The following BRINP2 variants were observed in gnomAD, a reference collection of about 807,000 sequenced individuals.
BRINP2 encodes the protein BMP/retinoic acid inducible neural specific 2, also known as BMP/retinoic acid-inducible neural-specific protein 2.
Under a neutral mutation model 69.2 loss-of-function variants are expected in BRINP2, and 21 were observed. The observed-to-expected ratio is 0.30, with a 90% CI of 0.22 to 0.44. The LOEUF (loss-of-function observed/expected upper bound fraction) is 0.44, where lower values mean the gene tolerates loss of function less well. BRINP2 is among the 20% of genes least tolerant of loss of function. The pLI, the probability that BRINP2 is intolerant of heterozygous loss-of-function variation, is 1.00. For missense variants in BRINP2, 877 were observed against 986.0 expected (o/e 0.89, Z 1.48); for synonymous variants, 380 against 394.1 (o/e 0.96, Z 0.42).
intron 1 of BRINP2, among the ~76,000 whole-genome samples, chr1:177,186,913 C>T (rs760726456): frequency 2.2e-4 from 34 of 152,092 alleles, no homozygotes; most frequent in Non-Finnish European, 3.8e-4. Context: ...ACAATATGCG[C>T]CTTTTAATGG....
At chr1:177,268,123 A>C (rs1434794861) in intron 4 of BRINP2, among the ~76,000 whole-genome samples, 1 of 152,168 alleles carries the variant, frequency 6.6e-6, no homozygotes, top group Non-Finnish European at 1.5e-5. Flanking sequence ...CTAAGGAGCA[A>C]AGTTGTGTGT....
At chr1:177,272,614 C>G (rs1198060761) in intron 4 of BRINP2, among the ~76,000 whole-genome samples, 2 of 152,202 alleles carry the variant, frequency 1.3e-5, no homozygotes, top group African/African-American at 4.8e-5. Flanking sequence ...AAGAGGACGT[C>G]AGAGGTATCA....
At chr1:177,216,674 C>G (rs938283336) in intron 1 of BRINP2, among the ~76,000 whole-genome samples, 6 of 151,902 alleles carry the variant, frequency 3.9e-5, no homozygotes, top group Non-Finnish European at 8.8e-5. Flanking sequence ...TGCAAGCAGG[C>G]CTAGTGATGA....
At chr1:177,227,673 A>G (rs1649738414) in intron 1 of BRINP2, among the ~76,000 whole-genome samples, 2 of 149,406 alleles carry the variant, frequency 1.3e-5, no homozygotes, top group Non-Finnish European at 3.0e-5. Context: ...CCTTCTTTCT[A>G]TGATTTTATT....
At chr1:177,256,530 TCCAAA>T (rs1650764200) in intron 3 of BRINP2, 2 of 985,406 alleles carry the variant, frequency 2.0e-6, no homozygotes, top group Non-Finnish European at 2.4e-6. Flanking sequence ...TTGGAAACTG[TCCAAA>T]CCAACTCCAG....
chr1:177,239,269 G>A (rs986337282), intron 2 of BRINP2, among the ~76,000 whole-genome samples: 1 of 152,188 alleles, frequency 6.6e-6, no homozygotes, highest in African/African-American at 2.4e-5. Context: ...TTAGGCTCCG[G>A]GGAACCCTGA....
chr1:177,237,812 T>C (rs758429104), intron 2 of BRINP2, among the ~76,000 whole-genome samples: 1 of 152,088 alleles, frequency 6.6e-6, no homozygotes, highest in Non-Finnish European at 1.5e-5. Flanking sequence ...TGAGGTAGAC[T>C]TCATCCGGAA....
chr1:177,222,497 A>T (rs1649566924), intron 1 of BRINP2, among the ~76,000 whole-genome samples: 1 of 152,052 alleles, frequency 6.6e-6, no homozygotes, highest in East Asian at 1.9e-4. Flanking sequence ...TTTTTAGAAG[A>T]GACAGGGTTT....
At chr1:177,211,195 A>T (rs1649211782) in intron 1 of BRINP2, among the ~76,000 whole-genome samples, 1 of 152,120 alleles carries the variant, frequency 6.6e-6, no homozygotes, top group Non-Finnish European at 1.5e-5. Context: ...ATTGGTAAAT[A>T]GCATAGATGT....
chr1:177,263,857 A>G (rs1329466212), intron 4 of BRINP2, among the ~76,000 whole-genome samples: 1 of 152,174 alleles, frequency 6.6e-6, no homozygotes, highest in African/African-American at 2.4e-5. Context: ...TTTATCTTTC[A>G]TCATGTATAC....
intron 3 of BRINP2, chr1:177,256,741 G>C: frequency 9.2e-7 from 1 of 1,081,402 alleles, no homozygotes. Context: ...CCCAGGGCTC[G>C]GGCCAGCTGT....
chr1:177,276,484 A>C (rs751527091), intron 6 of BRINP2, 50 bp downstream of exon 6: 1 of 1,549,182 alleles, frequency 6.5e-7, no homozygotes, highest in Non-Finnish European at 8.9e-7. Context: ...TGTGAGGTAC[A>C]GAGCAAGAAC....
intron 2 of BRINP2, among the ~76,000 whole-genome samples, chr1:177,236,213 G>A (rs1571921076): frequency 6.6e-6 from 1 of 152,150 alleles, no homozygotes; most frequent in South Asian, 2.1e-4. Flanking sequence ...AATAGCAGAC[G>A]CAGCACAAGG....
chr1:177,255,944 A>G lies in BRINP2; in HGVS notation c.295A>G (p.Asn99Asp). ...GGAGTTTGCCCGTTGGAAGGTGAAC[A>G]ACTTGGCTCTGGAAAGGAAGGACTT... ...YREFARWKVN[N>D]LALERKDFFS... Residue 99 changes from asparagine (N) to aspartate (D), a missense_variant, in exon 3 of 8, where the codon AAC becomes GAC. This residue lies in a region of BRINP2 where 566 missense variants were observed against 625.2 expected (regional missense o/e 0.91). Coordinates refer to ENST00000361539, the MANE Select transcript of BRINP2 (RefSeq NM_021165.4). The G allele has an allele frequency of 6.2e-7, 1 of 1,614,192 alleles. No homozygotes were observed. Among genetic ancestry groups the G allele is most frequent in the Non-Finnish European group, 8.5e-7 (1 of 1,180,020 alleles).
chr1:177,243,358 T>G (rs1650265930), intron 2 of BRINP2, among the ~76,000 whole-genome samples: 1 of 152,162 alleles, frequency 6.6e-6, no homozygotes, highest in South Asian at 2.1e-4. Context: ...AAATAAATCA[T>G]TAACAGTGAC....
intron 1 of BRINP2, among the ~76,000 whole-genome samples, chr1:177,207,772 C>CA (rs1649108524): frequency 6.6e-6 from 1 of 152,060 alleles, no homozygotes; most frequent in Admixed American, 6.6e-5. Context: ...CCTGCTCCCT[C>CA]AAAAAAGGCT....
chr1:177,251,568 T>C (rs1181241588), intron 2 of BRINP2, among the ~76,000 whole-genome samples: 5 of 152,176 alleles, frequency 3.3e-5, no homozygotes, highest in Non-Finnish European at 5.9e-5. Context: ...GTTGTGACTA[T>C]TGTCACCACC....
intron 1 of BRINP2, among the ~76,000 whole-genome samples, chr1:177,173,443 T>A (rs1480477505): frequency 6.6e-6 from 1 of 152,126 alleles, no homozygotes. Context: ...ACAGGAGCAT[T>A]CTTGACTCTT....
At chr1:177,248,488 TGC>T (rs1491083906) in intron 2 of BRINP2, among the ~76,000 whole-genome samples, 42 of 150,858 alleles carry the variant, frequency 2.8e-4, no homozygotes, top group African/African-American at 9.3e-4. Flanking sequence ...TGTGTGTGTG[TGC>T]GTGCGTGTGT....
Sources: gnomAD v4.1 joint callset for allele counts (sites outside exome capture counted in the v4.1 genomes callset) on GRCh38, gnomAD v4.1.1 for gene constraint, gnomAD v4.1.1 regional missense constraint, MANE v1.5 for transcripts, NCBI Gene and HGNC (gene_info 2026-07-23, HGNC 2026-07-21) for gene names.